RFX7: variants seen among roughly 807,000 people sequenced by gnomAD.
RFX7 encodes DNA-binding protein RFX7.
A neutral mutation model predicts 111.8 loss-of-function variants in RFX7; 26 were observed. That is an observed-to-expected ratio of 0.23 (90% CI 0.17 to 0.32). The LOEUF is 0.32. Ranked by LOEUF, RFX7 falls within the 10% of genes least tolerant of loss-of-function variation. RFX7 has a pLI of 1.00. For missense variants in RFX7, 1,573 were observed against 1,772.9 expected (o/e 0.89, Z 2.02); for synonymous variants, 624 against 624.4 (o/e 1.00, Z 0.01).
chr15:56,227,519 T>C (rs2043498186), intron 2 of RFX7, among the ~76,000 whole-genome samples: 1 of 152,190 alleles, frequency 6.6e-6, no homozygotes, highest in South Asian at 2.1e-4. Flanking sequence ...ACACTTCCTT[T>C]ATTAACAAAT....
intron 2 of RFX7, among the ~76,000 whole-genome samples, chr15:56,237,171 A>G (rs1183122970): frequency 6.6e-6 from 1 of 152,200 alleles, no homozygotes; most frequent in Non-Finnish European, 1.5e-5. Flanking sequence ...ACGGTCACTT[A>G]GTAAAAATCT....
At chr15:56,227,868 C>T (rs571254621) in intron 2 of RFX7, among the ~76,000 whole-genome samples, 1 of 152,140 alleles carries the variant, frequency 6.6e-6, no homozygotes, top group Non-Finnish European at 1.5e-5. Context: ...CTGAAGACCT[C>T]TTCACATTTT....
intron 3 of RFX7, among the ~76,000 whole-genome samples, chr15:56,150,024 C>CG (rs1173274124): frequency 8.2e-5 from 2 of 24,512 alleles, no homozygotes; most frequent in South Asian, 1.5e-3. Context: ...CGACCTTGGT[C>CG]GGGGGGTTGC....
At chr15:56,154,738 A>T (rs1304954236) in intron 3 of RFX7, among the ~76,000 whole-genome samples, 2 of 152,250 alleles carry the variant, frequency 1.3e-5, no homozygotes, top group African/African-American at 4.8e-5. Flanking sequence ...CTTCATGTCT[A>T]AAACACCAAA....
chr15:56,146,304 G>T (rs1246236507), intron 3 of RFX7, among the ~76,000 whole-genome samples: 1 of 152,046 alleles, frequency 6.6e-6, no homozygotes, highest in South Asian at 2.1e-4. Flanking sequence ...CTACAAAATT[G>T]TTGCCTAGGC....
intron 3 of RFX7, among the ~76,000 whole-genome samples, chr15:56,151,193 T>C (rs144052614): frequency 1.3e-5 from 2 of 152,220 alleles, no homozygotes; most frequent in African/African-American, 4.8e-5. Context: ...CATTCAAATT[T>C]AGGAAATACA....
chr15:56,212,531 T>C (rs1567047986), intron 2 of RFX7, among the ~76,000 whole-genome samples: 1 of 152,118 alleles, frequency 6.6e-6, no homozygotes, highest in African/African-American at 2.4e-5. Flanking sequence ...TCAATGAAGG[T>C]AAACCAGTTT....
At chr15:56,121,763 T>C (rs886718476) in intron 5 of RFX7, among the ~76,000 whole-genome samples, 2 of 152,174 alleles carry the variant, frequency 1.3e-5, no homozygotes, top group African/African-American at 4.8e-5. Flanking sequence ...TCAAATAACC[T>C]GTTTCAGGGT....
At chr15:56,138,939 T>C (rs2042346702) in intron 5 of RFX7, among the ~76,000 whole-genome samples, 1 of 152,174 alleles carries the variant, frequency 6.6e-6, no homozygotes, top group Non-Finnish European at 1.5e-5. Context: ...TGTTGAATAT[T>C]GGCCCCCACT....
intron 5 of RFX7, among the ~76,000 whole-genome samples, chr15:56,131,983 T>G (rs558924675): frequency 1.6e-4 from 24 of 152,250 alleles, no homozygotes; most frequent in African/African-American, 5.3e-4. Context: ...ATTTATTCAT[T>G]TTTTCATATT....
Position 56,142,894 on chromosome 15 carries a change from C to G in RFX7, c.285G>C (p.Gln95His), listed in dbSNP as rs1258798186. 6.2e-7 allele frequency: 1 copy of G among 1,613,318 alleles called. No individual in the cohort carries two copies. The highest frequency in any genetic ancestry group is 1.3e-5 in the African/African-American group (1 of 74,906). Residue 95 changes from glutamine to histidine, a missense_variant, in exon 5 of 10, where the codon CAG becomes CAC. Physicochemically the swap from Gln to His is conservative, Grantham distance 24. This residue lies in a region of RFX7 where 191 missense variants were observed against 194.2 expected (regional missense o/e 0.98). Transcript: ENST00000559447. ...GTGCCCGACTAGATGACATGGCATTCTGATCACTAATAGAATGAAAACATG... is the reference window on the plus strand; with the variant it reads ...GTGCCCGACTAGATGACATGGCATTGTGATCACTAATAGAATGAAAACATG... ...SGLSNGEKSDQNAMSSSRAQQ... is the reference protein window; with the variant it reads ...SGLSNGEKSDHNAMSSSRAQQ...
intron 3 of RFX7, among the ~76,000 whole-genome samples, chr15:56,148,689 A>T (rs1228338679): frequency 1.3e-5 from 2 of 152,212 alleles, no homozygotes; most frequent in Admixed American, 6.5e-5. Context: ...CCATCTGCTC[A>T]CCTACATTTC....
intron 3 of RFX7, among the ~76,000 whole-genome samples, chr15:56,166,597 A>G (rs1263429932): frequency 4.6e-5 from 7 of 152,354 alleles, no homozygotes; most frequent in African/African-American, 1.4e-4. Context: ...TCATAACACC[A>G]GTTTCATGAG....
At chr15:56,138,250 A>G (rs1320818908) in intron 5 of RFX7, among the ~76,000 whole-genome samples, 1 of 137,076 alleles carries the variant, frequency 7.3e-6, no homozygotes, top group African/African-American at 2.7e-5. Flanking sequence ...GTGGGAGTCT[A>G]AGTCTCTTTG....
Position 56,094,018 on chromosome 15 carries a change from G to C in RFX7, c.3710C>G (p.Pro1237Arg). 1 of 1,613,924 alleles carries C rather than the reference G, an allele frequency of 6.2e-7. No homozygotes were observed. Among genetic ancestry groups the C allele is most frequent in the Non-Finnish European group, 8.5e-7 (1 of 1,179,850 alleles). Residue 1237 changes from proline (P) to arginine (R), a missense_variant, in exon 10 of 10, where the codon CCA becomes CGA. Pro to Arg is a moderately radical substitution (Grantham distance 103). This residue lies in a region of RFX7 where 411 missense variants were observed against 478.1 expected (regional missense o/e 0.86). Transcript: ENST00000559447. ...GTTTGCTTGCTTCTGAAGAGCGTTT[G>C]GGAAGGCTGTCTGCATCATGACTGT... is the stretch of plus-strand genomic sequence containing the variant. ...PLTVMMQTAF[P>R]NALQKQANSK...
intron 2 of RFX7, 149 bp downstream of exon 2, chr15:56,242,976 A>T (rs2460649): frequency 1.9e-6 from 1 of 539,750 alleles, no homozygotes; most frequent in Non-Finnish European, 3.0e-6. Context: ...ACCTCCAGAG[A>T]TCCTACAAAT....
rs2041623281 is a variant in RFX7 at position 56,093,513 on chromosome 15, CAGT to C, written c.4212_4214del (p.Leu1405del). The stretch of plus-strand genomic sequence containing the variant: ...GTCCCTGCTGACGACCTGGATCAAA[CAGT>C]AGATTTGGGTCTAAAGTGTTCAAAT... On this transcript the variant is annotated inframe_deletion, in exon 10 of 10. Transcript: ENST00000559447. The C allele has an allele frequency of 6.2e-6, 10 of 1,613,874 alleles. No individual in the cohort carries two copies. The highest frequency in any genetic ancestry group is 8.5e-6 in the Non-Finnish European group (10 of 1,179,824).
At chr15:56,214,366 A>T (rs555684144) in intron 2 of RFX7, among the ~76,000 whole-genome samples, 2 of 152,326 alleles carry the variant, frequency 1.3e-5, no homozygotes, top group Non-Finnish European at 2.9e-5. Context: ...AACATGGAAC[A>T]TGTCTCCATT....
chr15:56,185,741 C>G (rs2043031725), intron 2 of RFX7, among the ~76,000 whole-genome samples: 1 of 152,028 alleles, frequency 6.6e-6, no homozygotes, highest in Non-Finnish European at 1.5e-5. Context: ...CTGGTTTTTA[C>G]TACTGATGAG....
Sources: allele counts gnomAD v4.1 joint callset (sites outside exome capture counted in the v4.1 genomes callset), GRCh38; gene constraint gnomAD v4.1.1; regional missense constraint gnomAD v4.1.1; transcripts MANE v1.5; gene names NCBI Gene and HGNC (gene_info 2026-07-23, HGNC 2026-07-21).